Variants in ZNF445 observed in about 807,000 individuals in gnomAD.
ZNF445 encodes the protein zinc finger protein 168.
A neutral mutation model predicts 93.9 loss-of-function variants in ZNF445; 19 were observed. The ratio of observed to expected loss-of-function variants is 0.20; its 90% CI spans 0.14 to 0.30. ZNF445 has a LOEUF of 0.30. Ranked by LOEUF, ZNF445 falls within the 10% of genes least tolerant of loss-of-function variation. The probability of loss-of-function intolerance (pLI) is 1.00; values close to 1 mark genes in which losing one functional copy is unlikely to be tolerated. For synonymous variants in ZNF445, 449 were observed against 446.3 expected (o/e 1.01, Z -0.08); for missense variants, 1,058 against 1,259.4 (o/e 0.84, Z 2.42).
intron 1 of ZNF445, among the ~76,000 whole-genome samples, chr3:44,468,792 C>G (rs1380881682): frequency 2.6e-5 from 4 of 151,894 alleles, no homozygotes; most frequent in Non-Finnish European, 5.9e-5. Context: ...ACCAAGTTAT[C>G]CTTAAAAACT....
chr3:44,455,083 C>G, intron 3 of ZNF445, 38 bp downstream of exon 3: 1 of 1,613,258 alleles, frequency 6.2e-7, no homozygotes, highest in Non-Finnish European at 8.5e-7. Context: ...CACTAGCAGG[C>G]AGAGTTCCCT....
intron 1 of ZNF445, among the ~76,000 whole-genome samples, chr3:44,471,130 A>G (rs1215783604): frequency 6.6e-6 from 1 of 152,150 alleles, no homozygotes; most frequent in Non-Finnish European, 1.5e-5. Flanking sequence ...TTCCACAGAC[A>G]CAGGATCAGC....
intron 3 of ZNF445, among the ~76,000 whole-genome samples, chr3:44,451,767 C>G (rs1054399716): frequency 6.6e-6 from 1 of 152,158 alleles, no homozygotes; most frequent in Non-Finnish European, 1.5e-5. Context: ...GCACTCTTGT[C>G]AGGCCTCAGA....
chr3:44,446,907 C>T lies in ZNF445; in HGVS notation c.2764G>A (p.Ala922Thr). 1 of 1,614,186 alleles carries T rather than the reference C, an allele frequency of 6.2e-7. No individual in the cohort carries two copies. Among genetic ancestry groups the T allele is most frequent in the Non-Finnish European group, 8.5e-7 (1 of 1,180,034 alleles). Reference sequence around the variant, plus strand: ...GCAGGCGGGCTACGTTCAGCCTGTGCTGCTCTGGTGTGTTTCCTCTGGTGA... The same window carrying T: ...GCAGGCGGGCTACGTTCAGCCTGTGTTGCTCTGGTGTGTTTCCTCTGGTGA... ...SSHQRKHTRAAQAERSPPARS... is the reference protein window; with the variant it reads ...SSHQRKHTRATQAERSPPARS... The change falls in exon 8 of 8, where the codon GCA becomes ACA. Residue 922 changes from alanine to threonine, a missense_variant. Ala to Thr is a moderately conservative substitution (Grantham distance 58, BLOSUM62 0). This residue lies in a region of ZNF445 where 387 missense variants were observed against 475.7 expected (regional missense o/e 0.81). Coordinates refer to ENST00000396077, the MANE Select transcript of ZNF445 (RefSeq NM_181489.6). This position sits in a 1 kb window ranked among gnomAD's most constrained non-coding sequence, Gnocchi z 4.2.
At position 44,441,927 on chromosome 3, in the gene ZNF445, C is replaced by T. The variant is rs1697816945; in HGVS notation, c.*4648G>A. The T allele has an allele frequency of 6.6e-6, 1 of 152,128 alleles. No individual in the cohort carries two copies. The highest frequency in any genetic ancestry group is 1.5e-5 in the Non-Finnish European group (1 of 68,038). 9.4% of individuals were successfully genotyped at this position (152,128 alleles called of 1,614,324 possible). On this transcript the variant is annotated 3_prime_UTR_variant, in exon 8 of 8. Transcript: ENST00000396077. ...AATAGATTACTGTGCAAAACAATAA[C>T]ACTTTCTATATGTCCACAAGGCTTA...
chr3:44,461,010 C>A (rs1698106519), intron 1 of ZNF445, among the ~76,000 whole-genome samples: 1 of 152,144 alleles, frequency 6.6e-6, no homozygotes, highest in Non-Finnish European at 1.5e-5. Flanking sequence ...CACTGCTGAC[C>A]CCATGTGCAC....
chr3:44,449,342 G>C (rs1001060626), intron 7 of ZNF445, among the ~76,000 whole-genome samples, 171 bp downstream of exon 7: 1 of 152,174 alleles, frequency 6.6e-6, no homozygotes, highest in African/African-American at 2.4e-5. Flanking sequence ...ATGACCTCTC[G>C]GAGGCCAGCC....
chr3:44,447,819 T>C lies in ZNF445; in HGVS notation c.1852A>G (p.Ile618Val). The change falls in exon 8 of 8, where the codon ATT becomes GTT. Residue 618 changes from isoleucine (I) to valine (V), a missense_variant. Coordinates refer to ENST00000396077, the MANE Select transcript of ZNF445 (RefSeq NM_181489.6). The surrounding 1 kb of genome is among the most constrained non-coding windows in gnomAD (Gnocchi z 4.7). ...CKSYVLEHQR[I>V]HTQEKPYKCT... ...TTATAGGGCTTCTCCTGGGTGTGAA[T>C]CCTTTGATGTTCAAGAACATATGAC... The C allele has an allele frequency of 6.2e-7, 1 of 1,614,096 alleles. No homozygotes were observed.
Position 44,474,586 on chromosome 3 carries a change from A to C in ZNF445, c.-269+3005T>G, listed in dbSNP as rs192808814. 3.8e-3 allele frequency among the ~76,000 whole-genome samples: 586 copies of C among 152,324 alleles called. 2 individuals are homozygous for C. The highest frequency in any genetic ancestry group is 0.014 in the African/African-American group (569 of 41,566). ...TCTTCAGAAGTGTTTTGAAAGACTA[A>C]GTAACTGTCACAGATTGAAGCAGAC... On this transcript the variant is annotated intron_variant, in intron 1 of 7. Coordinates refer to ENST00000396077, the MANE Select transcript of ZNF445 (RefSeq NM_181489.6).
In ZNF445 at chr3:44,434,497, T is replaced by G. The variant is rs1697635956; in HGVS notation, c.*12078A>C. 1 of 152,166 alleles carries G rather than the reference T, an allele frequency of 6.6e-6. No individual in the cohort carries two copies. Among genetic ancestry groups the G allele is most frequent in the Admixed American group, 6.5e-5 (1 of 15,278 alleles). 9.4% of individuals were successfully genotyped at this position (152,166 alleles called of 1,614,324 possible). A position where few individuals can be genotyped will look rare whatever the true frequency, so the allele number is the denominator to read the frequency against. On this transcript the variant is annotated 3_prime_UTR_variant, in exon 8 of 8. Coordinates refer to ENST00000396077, the MANE Select transcript of ZNF445 (RefSeq NM_181489.6). The stretch of plus-strand genomic sequence containing the variant: ...GTTTATTTCCTACACTGAGTCATAT[T>G]ATGTGTCTTCCAACATGTCTGGAGC...
At chr3:44,459,018 A>C (rs1205298558) in intron 1 of ZNF445, among the ~76,000 whole-genome samples, 2 of 152,174 alleles carry the variant, frequency 1.3e-5, no homozygotes, top group Non-Finnish European at 2.9e-5. Context: ...TGAAGTCTCC[A>C]TAAAAGGTCC....
rs907941704 is a variant in ZNF445, at chr3:44,441,592, C to T, written c.*4983G>A. 6.6e-6 allele frequency: 1 copy of T among 152,192 alleles called. No homozygotes were observed. Among genetic ancestry groups the T allele is most frequent in the Non-Finnish European group, 1.5e-5 (1 of 68,030 alleles). 9.4% of individuals were successfully genotyped at this position (152,192 alleles called of 1,614,324 possible). A position where few individuals can be genotyped will look rare whatever the true frequency, so the allele number is the denominator to read the frequency against. On this transcript the variant is annotated 3_prime_UTR_variant, in exon 8 of 8. Transcript: ENST00000396077. The stretch of plus-strand genomic sequence containing the variant: ...AGATTAGGTGGCTCACTCTAAGTAA[C>T]ATCATGTACCTGGCAGGGATTTCTA...
Position 44,447,442 on chromosome 3 carries a change from A to G in ZNF445, c.2229T>C (p.Phe743=), listed in dbSNP as rs185059523. 2.5e-5 allele frequency: 41 copies of G among 1,614,206 alleles called. No individual in the cohort carries two copies. The East Asian group carries it at 8.7e-4, about 34-fold the overall frequency. Residue 743 remains phenylalanine (F), a synonymous_variant, in exon 8 of 8, where the codon TTT becomes TTC. Transcript: ENST00000396077. The surrounding 1 kb of genome is among the most constrained non-coding windows in gnomAD (Gnocchi z 4.7). ...MKRKPEGGPS[F]SQDTVFQVPQ... is the part of the protein sequence containing the mutation. ...GAACCTGGAACACTGTGTCCTGACT[A>G]AAAGATGGCCCGCCCTCAGGTTTTC...
Position 44,460,773 on chromosome 3 carries a change from C to A in ZNF445, c.-268-2409G>T, listed in dbSNP as rs547936954. 2.6e-5 allele frequency among the ~76,000 whole-genome samples: 4 copies of A among 152,340 alleles called. No homozygotes were observed. The South Asian group carries it at 8.3e-4, about 32-fold the overall frequency. On this transcript the variant is annotated intron_variant, in intron 1 of 7. Coordinates refer to ENST00000396077, the MANE Select transcript of ZNF445 (RefSeq NM_181489.6). The stretch of plus-strand genomic sequence containing the variant: ...CAGCCAGTTCTGTGTGAATTACTTT[C>A]TCTATTGCAATTCCCCTGTCTTGAT...
At chr3:44,475,407 C>T (rs1289005240) in intron 1 of ZNF445, among the ~76,000 whole-genome samples, 1 of 151,886 alleles carries the variant, frequency 6.6e-6, no homozygotes, top group Middle Eastern at 3.4e-3. Flanking sequence ...ACCATGCTGG[C>T]CAGGCTGGTC....
At chr3:44,472,709 A>G (rs1421549840) in intron 1 of ZNF445, among the ~76,000 whole-genome samples, 1 of 152,108 alleles carries the variant, frequency 6.6e-6, no homozygotes, top group Non-Finnish European at 1.5e-5. Context: ...CAGCTACCTC[A>G]GCAGACAGCT....
intron 3 of ZNF445, among the ~76,000 whole-genome samples, chr3:44,452,139 T>C (rs1392272573): frequency 6.6e-6 from 1 of 152,098 alleles, no homozygotes; most frequent in Non-Finnish European, 1.5e-5. Flanking sequence ...TTCAAATAAC[T>C]CTGGTCTCTG....
At chr3:44,451,685 G>C (rs1212363836) in intron 3 of ZNF445, among the ~76,000 whole-genome samples, 1 of 152,160 alleles carries the variant, frequency 6.6e-6, no homozygotes, top group Non-Finnish European at 1.5e-5. Flanking sequence ...GGGCTCTAAT[G>C]AGGGTCATGG....
rs1697880315 is a variant in ZNF445 at position 44,446,553 on chromosome 3, A to C, written c.*22T>G. The C allele has an allele frequency of 1.2e-6, 2 of 1,613,402 alleles. No homozygotes were observed. The highest frequency in any genetic ancestry group is 2.7e-5 in the African/African-American group (2 of 74,836). On this transcript the variant is annotated 3_prime_UTR_variant, in exon 8 of 8. Transcript: ENST00000396077. The surrounding 1 kb of genome is among the most constrained non-coding windows in gnomAD (Gnocchi z 4.2). ...AGCAGGGGACTGAGAACCCACCCCCACTGTCACTGTCAGGTCCCAGGCTAA... is the reference window on the plus strand; with the variant it reads ...AGCAGGGGACTGAGAACCCACCCCCCCTGTCACTGTCAGGTCCCAGGCTAA...
Sources: allele counts gnomAD v4.1 joint callset (sites outside exome capture counted in the v4.1 genomes callset), GRCh38; gene constraint gnomAD v4.1.1; regional missense constraint gnomAD v4.1.1; non-coding constraint Gnocchi (gnomAD v3.1); transcripts MANE v1.5; gene names NCBI Gene and HGNC (gene_info 2026-07-23, HGNC 2026-07-21).